The following SOX5 variants were observed in gnomAD, a reference collection of about 807,000 sequenced individuals.
SOX5 encodes the protein SRY-box transcription factor 5.
In SOX5, 9 loss-of-function variants were observed where a neutral mutation model predicts 92.0. The ratio of observed to expected loss-of-function variants is 0.10; its 90% CI spans 0.06 to 0.17. The LOEUF (loss-of-function observed/expected upper bound fraction) is 0.17, where lower values mean the gene tolerates loss of function less well. Ranked by LOEUF, SOX5 falls within the 10% of genes least tolerant of loss-of-function variation. The probability of loss-of-function intolerance (pLI) is 1.00; values close to 1 mark genes in which losing one functional copy is unlikely to be tolerated. For missense variants in SOX5, 642 were observed against 944.5 expected, an observed-to-expected ratio of 0.68 and a Z score of 4.20; for synonymous variants, 344 against 336.3, an observed-to-expected ratio of 1.02 and a Z score of -0.25.
chr12:24,179,395 G>T (rs1593986761), intron 4 of SOX5, among the ~76,000 whole-genome samples: 1 of 152,122 alleles, frequency 6.6e-6, no homozygotes, highest in Non-Finnish European at 1.5e-5. Context: ...ATCATACTTT[G>T]AATTCTGATC....
intron 8 of SOX5, among the ~76,000 whole-genome samples, chr12:23,620,606 A>G (rs1191210560): frequency 6.6e-6 from 1 of 152,052 alleles, no homozygotes; most frequent in Non-Finnish European, 1.5e-5. Context: ...GACCATTTGA[A>G]AAAGAAAAAG....
At chr12:24,155,099 C>G (rs1320799032) in intron 4 of SOX5, among the ~76,000 whole-genome samples, 1 of 152,074 alleles carries the variant, frequency 6.6e-6, no homozygotes, top group Non-Finnish European at 1.5e-5. Context: ...ACGCTAAGCA[C>G]AGCTCAGACA....
intron 7 of SOX5, among the ~76,000 whole-genome samples, chr12:23,652,740 C>T (rs1470087671): frequency 6.6e-6 from 1 of 151,934 alleles, no homozygotes; most frequent in Non-Finnish European, 1.5e-5. Context: ...AAGATCTTTT[C>T]CTTTAAACTC....
intron 4 of SOX5, among the ~76,000 whole-genome samples, chr12:24,041,238 C>T (rs1428908575): frequency 6.6e-6 from 1 of 152,082 alleles, no homozygotes; most frequent in Non-Finnish European, 1.5e-5. Context: ...TTTTGCATAT[C>T]ATAAGGCTCA....
chr12:24,194,420 GGTAGGTAGGTAT>G lies in SOX5; in HGVS notation c.-2+18911_-2+18922del, dbSNP rs554878154. ...ATCTATCTAGATAGGTAGGTAGGTAGGTAGGTAGGTATGTAGGTAGGTAGGTAGGTAGGTAGA... is the reference window on the plus strand; with the variant it reads ...ATCTATCTAGATAGGTAGGTAGGTAGGTAGGTAGGTAGGTAGGTAGGTAGA... On this transcript the variant is annotated intron_variant, in intron 4 of 4. Coordinates refer to the SOX5 transcript ENST00000446891. 6.5e-3 allele frequency among the ~76,000 whole-genome samples: 687 copies of G among 105,020 alleles called. 3 individuals are homozygous for G. The highest frequency in any genetic ancestry group is 0.022 in the African/African-American group (436 of 20,040). The allele number at this position is 105,020 out of a possible 152,430, so 68.9% of individuals were successfully genotyped here.
chr12:24,410,361 T>C (rs959883017), intron 1 of SOX5, among the ~76,000 whole-genome samples: 1 of 152,230 alleles, frequency 6.6e-6, no homozygotes, highest in African/African-American at 2.4e-5. Context: ...CAGCTTTTGG[T>C]ATAAAATCTA....
rs138374885 is a variant in SOX5, at chr12:23,634,638, C to G, written c.1017+6174G>C. On this transcript the variant is annotated intron_variant, in intron 8 of 14. Transcript: ENST00000451604. ...TGTAAACATTGTAGTGCCAAACATG[C>G]TACCAGGCACAGAGAGTGTTTTCAT... 5.0e-3 allele frequency among the ~76,000 whole-genome samples: 754 copies of G among 152,210 alleles called. 7 individuals carry two copies. Among genetic ancestry groups the G allele is most frequent in the African/African-American group, 0.017 (709 of 41,514 alleles).
intron 1 of SOX5, among the ~76,000 whole-genome samples, chr12:24,398,429 A>G (rs941953625): frequency 3.9e-5 from 6 of 152,282 alleles, no homozygotes; most frequent in South Asian, 4.1e-4. Flanking sequence ...ACTTGAGCCC[A>G]GGAGGCTGAG....
In SOX5 at chr12:24,446,913, G is replaced by A. The variant is rs1459047453; in HGVS notation, c.-250-78274C>T. ...AGTGGGACGCAGAAGCCAACCTGAAGGAGCTCCCAATGGCCAAAGCTGAAA... is the reference window on the plus strand; with the variant it reads ...AGTGGGACGCAGAAGCCAACCTGAAAGAGCTCCCAATGGCCAAAGCTGAAA... On this transcript the variant is annotated intron_variant, in intron 1 of 4. Transcript: ENST00000446891. Among the ~76,000 whole-genome samples the A allele has an allele frequency of 3.9e-5, 6 of 152,140 alleles. No homozygotes were observed. The East Asian group carries it at 1.2e-3, about 29-fold the overall frequency.
At chr12:23,996,684 T>C (rs1951062200) in intron 4 of SOX5, among the ~76,000 whole-genome samples, 1 of 152,236 alleles carries the variant, frequency 6.6e-6, no homozygotes, top group Non-Finnish European at 1.5e-5. Context: ...CAAAGCACTA[T>C]GCTAAGTGAA....
intron 1 of SOX5, among the ~76,000 whole-genome samples, chr12:24,402,969 A>G (rs1404600238): frequency 1.3e-5 from 2 of 152,108 alleles, no homozygotes; most frequent in East Asian, 3.9e-4. Flanking sequence ...GATATTCTAA[A>G]CATACTCTTC....
intron 2 of SOX5, among the ~76,000 whole-genome samples, chr12:24,364,644 C>A (rs1046438063): frequency 1.3e-5 from 2 of 150,812 alleles, no homozygotes; most frequent in Non-Finnish European, 3.0e-5. Context: ...AATCAATTCC[C>A]TAGCTAGGTT....
At chr12:24,029,067 TATACTC>T (rs1273308640) in intron 4 of SOX5, among the ~76,000 whole-genome samples, 18 of 152,108 alleles carry the variant, frequency 1.2e-4, no homozygotes, top group African/African-American at 4.3e-4. Flanking sequence ...AAGGACTAAA[TATACTC>T]ATATACAGGA....
At chr12:24,146,239 A>C (rs906593249) in intron 4 of SOX5, among the ~76,000 whole-genome samples, 2 of 152,148 alleles carry the variant, frequency 1.3e-5, no homozygotes, top group African/African-American at 4.8e-5. Flanking sequence ...AGTCCATAAA[A>C]CAAGTCTCAA....
At chr12:23,541,853 G>A (rs906413953) in intron 13 of SOX5, among the ~76,000 whole-genome samples, 1 of 152,212 alleles carries the variant, frequency 6.6e-6, no homozygotes, top group African/African-American at 2.4e-5. Context: ...GCTCATGCCT[G>A]TAATCCCAGC....
intron 4 of SOX5, among the ~76,000 whole-genome samples, chr12:24,083,310 A>T (rs1355834811): frequency 6.6e-6 from 1 of 152,030 alleles, no homozygotes; most frequent in Non-Finnish European, 1.5e-5. Flanking sequence ...TGAATTACAA[A>T]GACCAAATAT....
intron 4 of SOX5, among the ~76,000 whole-genome samples, chr12:24,120,731 T>C (rs1011222802): frequency 4.6e-5 from 7 of 152,268 alleles, no homozygotes; most frequent in Admixed American, 3.9e-4. Context: ...TCTGTAACTT[T>C]TTCTTATGGC....
chr12:24,071,511 T>C (rs1941771585), intron 4 of SOX5, among the ~76,000 whole-genome samples: 4 of 152,194 alleles, frequency 2.6e-5, no homozygotes, highest in Admixed American at 2.6e-4. Context: ...CTCGGCTCAC[T>C]GCAAGCTCTG....
At chr12:23,883,097 C>T (rs1483216705) in intron 2 of SOX5, among the ~76,000 whole-genome samples, 2 of 151,312 alleles carry the variant, frequency 1.3e-5, no homozygotes, top group African/African-American at 2.4e-5. Context: ...AGGAGAATGG[C>T]GTGAACCCGG....
Sources: gnomAD v4.1 joint callset for allele counts (sites outside exome capture counted in the v4.1 genomes callset) on GRCh38, gnomAD v4.1.1 for gene constraint, MANE v1.5 for transcripts, NCBI Gene and HGNC (gene_info 2026-07-23, HGNC 2026-07-21) for gene names.